DRC9: variants seen among roughly 807,000 people sequenced by gnomAD.
The protein encoded by DRC9 is dynein regulatory complex protein 9.
At chr3:197,923,618 C>A in the DRC9 span, among the ~76,000 whole-genome samples, 1 of 151,968 alleles carries the variant, frequency 6.6e-6, no homozygotes, top group East Asian at 1.9e-4. Flanking sequence ...GTAGTCCCAG[C>A]TATCTGGGGG....
the DRC9 span, among the ~76,000 whole-genome samples, chr3:197,929,500 G>A: frequency 6.6e-6 from 1 of 152,126 alleles, no homozygotes; most frequent in Non-Finnish European, 1.5e-5. This position sits in a 1 kb window ranked among gnomAD's most constrained non-coding sequence, Gnocchi z 4.6. Context: ...AGCCAGGTGC[G>A]GTGGCTCACA....
chr3:197,915,268 C>T, the DRC9 span, among the ~76,000 whole-genome samples: 11 of 142,006 alleles, frequency 7.7e-5, no homozygotes, highest in East Asian at 2.3e-3. Context: ...TAAGTATATG[C>T]CCAAATCCTG....
the DRC9 span, among the ~76,000 whole-genome samples, chr3:197,920,570 C>A: frequency 4.6e-5 from 7 of 152,074 alleles, no homozygotes; most frequent in Non-Finnish European, 7.4e-5. Flanking sequence ...CTACTAAAAA[C>A]ACAAACATAA....
At chr3:197,889,409 C>G in the DRC9 span, 1 of 747,518 alleles carries the variant, frequency 1.3e-6, no homozygotes, top group East Asian at 2.5e-5. Flanking sequence ...GAAAACCCAC[C>G]TAACAGGCAG....
the DRC9 span, chr3:197,956,164 G>A: frequency 5.4e-5 from 13 of 241,906 alleles, no homozygotes; most frequent in East Asian, 1.2e-3. Flanking sequence ...TCTTGCCTAT[G>A]CTGGCTTCAA....
chr3:197,945,750 C>G, the DRC9 span: 4 of 689,334 alleles, frequency 5.8e-6, no homozygotes, highest in South Asian at 7.3e-5. Flanking sequence ...TCAGTTATTT[C>G]TATACCATTT....
the DRC9 span, among the ~76,000 whole-genome samples, chr3:197,923,384 A>T: frequency 1.3e-5 from 2 of 152,176 alleles, no homozygotes; most frequent in African/African-American, 4.8e-5. Context: ...GCCTCAAATG[A>T]TCCTTCCACC....
At chr3:197,927,639 A>G in the DRC9 span, among the ~76,000 whole-genome samples, 37,793 of 152,094 alleles carry the variant, frequency 0.25, 5,865 homozygotes, top group African/African-American at 0.45. Context: ...TAGATAAGAA[A>G]GCTACAGAAT....
At chr3:197,894,925 G>A in the DRC9 span, among the ~76,000 whole-genome samples, 1 of 152,080 alleles carries the variant, frequency 6.6e-6, no homozygotes, top group African/African-American at 2.4e-5. Flanking sequence ...TTAGCCAGGT[G>A]TGGTGGCGCC....
At chr3:197,903,224 GAAACTACT>G in the DRC9 span, among the ~76,000 whole-genome samples, 1 of 152,156 alleles carries the variant, frequency 6.6e-6, no homozygotes, top group African/African-American at 2.4e-5. Flanking sequence ...CTCAAACTAT[GAAACTACT>G]AAAAGAAAAC....
the DRC9 span, chr3:197,892,497 T>C: frequency 3.5e-6 from 4 of 1,158,642 alleles, no homozygotes; most frequent in East Asian, 2.4e-5. Flanking sequence ...TTGCCACTCC[T>C]TCCTCGGTGA....
chr3:197,950,848 G>C, the DRC9 span: 1 of 1,218,034 alleles, frequency 8.2e-7, no homozygotes, highest in Non-Finnish European at 1.2e-6. Context: ...CATCCAAAAG[G>C]AATTTGCTTT....
At chr3:197,903,213 C>T in the DRC9 span, among the ~76,000 whole-genome samples, 48 of 152,184 alleles carry the variant, frequency 3.2e-4, no homozygotes, top group Admixed American at 2.9e-3. Context: ...AAACTTAAGA[C>T]CTCAAACTAT....
chr3:197,910,711 G>C, the DRC9 span, among the ~76,000 whole-genome samples: 1 of 152,176 alleles, frequency 6.6e-6, no homozygotes, highest in Admixed American at 6.5e-5. Flanking sequence ...TGGGCACGGT[G>C]GCTCACGCCT....
chr3:197,895,244 T>A, the DRC9 span, among the ~76,000 whole-genome samples: 1 of 152,166 alleles, frequency 6.6e-6, no homozygotes, highest in Non-Finnish European at 1.5e-5. Flanking sequence ...CATTTGGTAT[T>A]TTTTGCAATT....
the DRC9 span, among the ~76,000 whole-genome samples, chr3:197,905,598 A>G: frequency 1.3e-5 from 2 of 151,896 alleles, no homozygotes; most frequent in African/African-American, 4.8e-5. Context: ...AAAATACAAA[A>G]TTACCCAGGC....
At chr3:197,906,805 T>C in the DRC9 span, 3 of 152,260 alleles carry the variant, frequency 2.0e-5, no homozygotes, top group Non-Finnish European at 4.4e-5. Context: ...CCTGGGGCTG[T>C]GAACTGACTC....
chr3:197,893,566 G>A, the DRC9 span, among the ~76,000 whole-genome samples: 4 of 150,578 alleles, frequency 2.7e-5, no homozygotes, highest in Non-Finnish European at 5.9e-5. Flanking sequence ...ATGTAGGGCC[G>A]GGCGCAGTGG....
At chr3:197,931,957 G>T in the DRC9 span, among the ~76,000 whole-genome samples, 1 of 152,114 alleles carries the variant, frequency 6.6e-6, no homozygotes, top group Admixed American at 6.6e-5. Flanking sequence ...ACTAGAGAAG[G>T]AAGAATGGTC....
Sources: gnomAD v4.1 joint callset for allele counts (sites outside exome capture counted in the v4.1 genomes callset) on GRCh38, gnomAD v4.1.1 for gene constraint, Gnocchi (gnomAD v3.1) non-coding constraint, MANE v1.5 for transcripts, NCBI Gene and HGNC (gene_info 2026-07-23, HGNC 2026-07-21) for gene names.